PRODH2: variants seen among roughly 807,000 people sequenced by gnomAD.
PRODH2 encodes proline dehydrogenase 2.
PRODH2 carries 49 observed loss-of-function variants against 51.9 expected under a neutral mutation model. That is an observed-to-expected ratio of 0.94 (90% confidence interval 0.75 to 1.20). The LOEUF (loss-of-function observed/expected upper bound fraction) is 1.20, where lower values mean the gene tolerates loss of function less well. Ranked by LOEUF, PRODH2 falls within the 50% of genes most tolerant of loss-of-function variation. The pLI is 0.00. For synonymous variants in PRODH2, 249 were observed against 260.7 expected (o/e 0.96, Z 0.43); for missense variants, 597 against 610.9 (o/e 0.98, Z 0.24).
At chr19:35,810,260 AAAT>A (rs10676244) in intron 4 of PRODH2, among the ~76,000 whole-genome samples, 4,015 of 143,218 alleles carry the variant, frequency 0.028, 196 homozygotes, top group African/African-American at 0.095. Flanking sequence ...CTCTGTCTTA[AAAT>A]AATAATAATA....
chr19:35,802,512 C>A, intron 8 of PRODH2: 1 of 581,080 alleles, frequency 1.7e-6, no homozygotes, highest in East Asian at 2.9e-5. Flanking sequence ...ACGTCTTGTC[C>A]ATCTGGGACC....
chr19:35,812,680 C>G lies in PRODH2; in HGVS notation c.126G>C (p.Leu42=). 6.2e-7 allele frequency: 1 copy of G among 1,604,508 alleles called. No homozygotes were observed. The highest frequency in any genetic ancestry group is 1.1e-5 in the South Asian group (1 of 90,168). ...GGGGCCAGGCACACAGCCGGAGAACCAGCAAGGCCCGTGTCAGCTCTCCTG... is the reference window on the plus strand; with the variant it reads ...GGGGCCAGGCACACAGCCGGAGAACGAGCAAGGCCCGTGTCAGCTCTCCTG... The part of the protein sequence containing the change: ...KGTGELTRAL[L]VLRLCAWPPL... The change falls in exon 1 of 10, where the codon CTG becomes CTC. Residue 42 remains leucine (L), a synonymous_variant. Coordinates refer to ENST00000653904, the MANE Select transcript of PRODH2 (RefSeq NM_021232.2).
chr19:35,801,430 G>A (rs1972426828), intron 9 of PRODH2, among the ~76,000 whole-genome samples: 1 of 151,976 alleles, frequency 6.6e-6, no homozygotes, highest in Non-Finnish European at 1.5e-5. Flanking sequence ...GGCACCACTG[G>A]ACTCCTGCCT....
chr19:35,809,970 A>AAAC (rs1972579192), intron 4 of PRODH2, among the ~76,000 whole-genome samples: 1 of 132,150 alleles, frequency 7.6e-6, no homozygotes, highest in African/African-American at 2.8e-5. Context: ...AAAAAAAAAA[A>AAAC]AAAAAAAAAA....
At chr19:35,810,758 T>C (rs1301991143) in intron 4 of PRODH2, among the ~76,000 whole-genome samples, 2 of 152,102 alleles carry the variant, frequency 1.3e-5, no homozygotes, top group East Asian at 3.9e-4. Flanking sequence ...TGACCTCCAG[T>C]AATCCATCCG....
chr19:35,801,324 G>A (rs1013258947), intron 9 of PRODH2, among the ~76,000 whole-genome samples: 3 of 152,044 alleles, frequency 2.0e-5, no homozygotes, highest in African/African-American at 7.2e-5. Flanking sequence ...AAATTAGCTG[G>A]GCGTGGTGGC....
In PRODH2 at chr19:35,806,508, A is replaced by T; in HGVS notation, c.923T>A (p.Leu308Gln). Residue 308 changes from leucine (L) to glutamine (Q), a missense_variant, in exon 7 of 10, where the codon CTG (leucine) becomes CAG (glutamine). Physicochemically the swap from Leu to Gln is moderately radical, Grantham distance 113. Coordinates refer to ENST00000653904, the MANE Select transcript of PRODH2 (RefSeq NM_021232.2). Reference sequence around the variant, plus strand: ...CTGGGCCACCGCTCTCTCCTTGTCCAGATATGCACCTCGTACCAGCTTCAC... The same window carrying T: ...CTGGGCCACCGCTCTCTCCTTGTCCTGATATGCACCTCGTACCAGCTTCAC... Reference protein sequence around the residue: ...FGVKLVRGAYLDKERAVAQLH... With the variant: ...FGVKLVRGAYQDKERAVAQLH... 1.2e-6 allele frequency: 2 copies of T among 1,614,108 alleles called. No homozygotes were observed. The highest frequency in any genetic ancestry group is 1.7e-6 in the Non-Finnish European group (2 of 1,180,010).
intron 8 of PRODH2, among the ~76,000 whole-genome samples, chr19:35,802,754 G>T (rs7260272): frequency 0.43 from 64,613 of 151,544 alleles, 16,697 homozygotes; most frequent in Non-Finnish European, 0.57. Context: ...TAGAAATGGG[G>T]TCTTGCTGTG....
rs767165596 is a variant in PRODH2 at position 35,800,238 on chromosome 19, G to T, written c.1199-16C>A. On this transcript the variant is annotated splice_polypyrimidine_tract_variant and intron_variant, in intron 9 of 9. Transcript: ENST00000653904. ...CCGGCCTGCCCTGCAGGGAGAGTGG[G>T]TTTTGTTTTTTCGTTTTTGGTGTTT... 2.0e-5 allele frequency: 31 copies of T among 1,528,580 alleles called. No individual in the cohort carries two copies. In the Middle Eastern group the frequency reaches 6.9e-4, roughly 34 times the overall value. The allele number at this position is 1,528,580 out of a possible 1,614,324, so 94.7% of individuals were successfully genotyped here. A position where few individuals can be genotyped will look rare whatever the true frequency, so the allele number is the denominator to read the frequency against.
chr19:35,804,698 A>C (rs538164727), intron 7 of PRODH2, among the ~76,000 whole-genome samples: 6 of 152,236 alleles, frequency 3.9e-5, no homozygotes, highest in Non-Finnish European at 8.8e-5. Flanking sequence ...GCACTTGGGG[A>C]GGCCAAGGCA....
chr19:35,811,720 A>C (rs1392384098), intron 4 of PRODH2, among the ~76,000 whole-genome samples: 1 of 152,086 alleles, frequency 6.6e-6, no homozygotes, highest in Non-Finnish European at 1.5e-5. Flanking sequence ...ACCTCCTTCT[A>C]ATTGATAAAC....
At chr19:35,806,276 G>C (rs972278233) in intron 7 of PRODH2, among the ~76,000 whole-genome samples, 154 bp downstream of exon 7, 1 of 151,962 alleles carries the variant, frequency 6.6e-6, no homozygotes, top group Admixed American at 6.6e-5. Context: ...TAGAGATGGG[G>C]TCTCCCTGTG....
Position 35,803,062 on chromosome 19 carries a change from C to T in PRODH2, c.1018G>A (p.Glu340Lys). ...CGGGCCACGTGCGTCAGCATCAGTT[C>T]CAGGCAGCGGCTGTAACTGAAGGGA... Reference protein sequence around the residue: ...ATSQSYSRCLELMLTHVARHG... With the variant: ...ATSQSYSRCLKLMLTHVARHG... Residue 340 changes from glutamate to lysine, a missense_variant, in exon 8 of 10, where the codon GAA becomes AAA. Coordinates refer to ENST00000653904, the MANE Select transcript of PRODH2 (RefSeq NM_021232.2). 1 of 1,546,738 alleles carries T rather than the reference C, an allele frequency of 6.5e-7. No individual in the cohort carries two copies. Among genetic ancestry groups the T allele is most frequent in the Non-Finnish European group, 8.8e-7 (1 of 1,138,970 alleles).
At chr19:35,804,524 G>A (rs1972480951) in intron 7 of PRODH2, among the ~76,000 whole-genome samples, 2 of 152,206 alleles carry the variant, frequency 1.3e-5, no homozygotes, top group South Asian at 4.1e-4. Context: ...AAGCTGAGAG[G>A]GGTTCTATCT....
chr19:35,806,711 C>T lies in PRODH2; in HGVS notation c.798G>A (p.Gly266=). 1 of 1,614,122 alleles carries T rather than the reference C, an allele frequency of 6.2e-7. No homozygotes were observed. Among genetic ancestry groups the T allele is most frequent in the Non-Finnish European group, 8.5e-7 (1 of 1,180,010 alleles). The change falls in exon 6 of 10, where the codon GGG becomes GGA. Residue 266 remains glycine (G), a synonymous_variant. Coordinates refer to ENST00000653904, the MANE Select transcript of PRODH2 (RefSeq NM_021232.2). ...AVRWNSPGEG[G]PWVWNTYQAC... ...CCTGGTAGGTGTTCCACACCCAGGGCCCGCCTTCACCCGGGCTGTTCCAGC... is the reference window on the plus strand; with the variant it reads ...CCTGGTAGGTGTTCCACACCCAGGGTCCGCCTTCACCCGGGCTGTTCCAGC...
chr19:35,811,886 G>A, intron 4 of PRODH2, 76 bp downstream of exon 4: 2 of 1,422,118 alleles, frequency 1.4e-6, no homozygotes, highest in Non-Finnish European at 2.0e-6. Context: ...GTAGCATTTT[G>A]AACATCTGGC....
At chr19:35,802,323 A>C in intron 8 of PRODH2, 47 bp from the exon 9 acceptor site, 1 of 1,572,642 alleles carries the variant, frequency 6.4e-7, no homozygotes. Flanking sequence ...CTGCATCTAC[A>C]GCTTAAAGTC....
chr19:35,807,638 C>T (rs1738008467), intron 4 of PRODH2, among the ~76,000 whole-genome samples: 1 of 152,114 alleles, frequency 6.6e-6, no homozygotes, highest in Admixed American at 6.6e-5. Flanking sequence ...GGCACCTTCC[C>T]ACCTCCAGCC....
chr19:35,801,935 C>T lies in PRODH2; in HGVS notation c.1198+256G>A, dbSNP rs112348063. ...ACCTGGCAGAAGGAAACATTAATTA[C>T]CTGGTGTCAGGCCCTGAGGAGCAGC... is the stretch of plus-strand genomic sequence containing the variant. On this transcript the variant is annotated intron_variant, in intron 9 of 9. Transcript: ENST00000653904. 2,202 of 477,964 alleles carry T rather than the reference C, an allele frequency of 4.6e-3. 32 individuals are homozygous for T. The highest frequency in any genetic ancestry group is 0.029 in the East Asian group (918 of 31,624). 29.6% of individuals were successfully genotyped at this position (477,964 alleles called of 1,614,324 possible).
Sources: allele counts gnomAD v4.1 joint callset (sites outside exome capture counted in the v4.1 genomes callset), GRCh38; gene constraint gnomAD v4.1.1; transcripts MANE v1.5; gene names NCBI Gene and HGNC (gene_info 2026-07-23, HGNC 2026-07-21).